PRKCH: variants seen among roughly 807,000 people sequenced by gnomAD.
The protein encoded by PRKCH is protein kinase C eta type.
In PRKCH, 28 loss-of-function variants were observed where a neutral mutation model predicts 82.5. The observed-to-expected ratio is 0.34, with a 90% CI of 0.25 to 0.47. The LOEUF (loss-of-function observed/expected upper bound fraction) is 0.47. PRKCH is among the 20% of genes least tolerant of loss of function. The probability of loss-of-function intolerance (pLI) is 1.00; values close to 1 mark genes in which losing one functional copy is unlikely to be tolerated. For synonymous variants in PRKCH, 322 were observed against 327.4 expected, an observed-to-expected ratio of 0.98 and a Z score of 0.18; for missense variants, 705 against 881.8, an observed-to-expected ratio of 0.80 and a Z score of 2.54.
intron 9 of PRKCH, among the ~76,000 whole-genome samples, chr14:61,477,446 C>CATAG (rs1885776852): frequency 6.6e-6 from 1 of 152,146 alleles, no homozygotes; most frequent in African/African-American, 2.4e-5. Flanking sequence ...GTCTTTAAAT[C>CATAG]ATAGAGACAA....
intron 5 of PRKCH, 45 bp from the exon 6 acceptor site, chr14:61,450,790 AGGACATT>A: frequency 1.9e-6 from 3 of 1,582,050 alleles, no homozygotes; most frequent in Non-Finnish European, 2.6e-6. Flanking sequence ...GTTTTTACAA[AGGACATT>A]GGTATGACAT....
intron 2 of PRKCH, among the ~76,000 whole-genome samples, 197 bp downstream of exon 2, chr14:61,391,485 A>G (rs78160205): frequency 1.3e-5 from 2 of 152,194 alleles, no homozygotes; most frequent in Non-Finnish European, 2.9e-5. Flanking sequence ...TATATTTGCT[A>G]AATCTGGCAA....
intron 10 of PRKCH, among the ~76,000 whole-genome samples, chr14:61,496,446 T>C (rs575498472): frequency 6.6e-6 from 1 of 152,292 alleles, no homozygotes; most frequent in East Asian, 1.9e-4. Context: ...TCCACACGTT[T>C]CCCCCTGCTT....
chr14:61,364,976 G>A (rs1365869460), intron 1 of PRKCH, among the ~76,000 whole-genome samples: 1 of 152,068 alleles, frequency 6.6e-6, no homozygotes, highest in South Asian at 2.1e-4. Context: ...GGCAGGAGGC[G>A]GTAGGGTGAT....
At chr14:61,205,597 G>A (rs2044516800) in intron 1 of PRKCH, among the ~76,000 whole-genome samples, 3 of 152,134 alleles carry the variant, frequency 2.0e-5, no homozygotes, top group Non-Finnish European at 4.4e-5. Flanking sequence ...CTGCCGTGCT[G>A]ACAGCTTCCC....
chr14:61,481,362 C>CACAGTGGATGCCAACCAGTGG (rs1388623575), intron 9 of PRKCH, among the ~76,000 whole-genome samples: 1 of 152,192 alleles, frequency 6.6e-6, no homozygotes, highest in Non-Finnish European at 1.5e-5. Flanking sequence ...CTGTGGATGC[C>CACAGTGGATGCCAACCAGTGG]ATTCCAACAA....
chr14:61,258,434 C>T (rs2045018014), intron 1 of PRKCH, among the ~76,000 whole-genome samples: 1 of 152,102 alleles, frequency 6.6e-6, no homozygotes, highest in Non-Finnish European at 1.5e-5. Flanking sequence ...CTGGTATCCC[C>T]TTTTATTTTT....
chr14:61,409,026 G>A (rs1416852582), intron 2 of PRKCH, among the ~76,000 whole-genome samples: 1 of 152,196 alleles, frequency 6.6e-6, no homozygotes, highest in African/African-American at 2.4e-5. Flanking sequence ...CTGTTCGCTA[G>A]GCCACAGGGA....
intron 1 of PRKCH, among the ~76,000 whole-genome samples, chr14:61,285,090 TA>T (rs750927059): frequency 1.3e-5 from 2 of 152,042 alleles, no homozygotes; most frequent in African/African-American, 2.4e-5. Flanking sequence ...TAACCCTTTT[TA>T]AAAAAAACTA....
chr14:61,406,823 A>G (rs1325339316), intron 2 of PRKCH, among the ~76,000 whole-genome samples: 1 of 152,054 alleles, frequency 6.6e-6, no homozygotes, highest in Non-Finnish European at 1.5e-5. Flanking sequence ...TTTTGCAAAA[A>G]GGTTTGAAGA....
At chr14:61,496,611 A>G (rs924472397) in intron 10 of PRKCH, among the ~76,000 whole-genome samples, 4 of 152,078 alleles carry the variant, frequency 2.6e-5, no homozygotes, top group African/African-American at 7.3e-5. Context: ...GCATCCCGTG[A>G]AACCCTTCCC....
At chr14:61,237,319 AG>A (rs2044798733) in intron 1 of PRKCH, among the ~76,000 whole-genome samples, 2 of 152,290 alleles carry the variant, frequency 1.3e-5, no homozygotes, top group African/African-American at 4.8e-5. Context: ...AGGCCCTAAA[AG>A]AAATTGAAGT....
rs1253468086 is a variant in PRKCH, at chr14:61,457,239, A to G, written c.1024A>G (p.Ile342Val). Residue 342 changes from isoleucine (I) to valine (V), a missense_variant, in exon 8 of 14, where the codon ATT becomes GTT. Physicochemically the swap from Ile to Val is conservative, Grantham distance 29. This residue lies in a region of PRKCH where 238 missense variants were observed against 258.1 expected (regional missense o/e 0.92). Coordinates refer to ENST00000332981, the MANE Select transcript of PRKCH (RefSeq NM_006255.5). ...GKESSKEGNG[I>V]GVNSSNRLGI... ...GGAGAGCAGCAAAGAAGGAAATGGG[A>G]TTGGGGTTAATTCTTCCAACCGACT... The G allele has an allele frequency of 3.1e-6, 5 of 1,614,004 alleles. No individual in the cohort carries two copies. The highest frequency in any genetic ancestry group is 3.4e-6 in the Non-Finnish European group (4 of 1,180,008).
intron 10 of PRKCH, among the ~76,000 whole-genome samples, chr14:61,487,452 T>C (rs928803729): frequency 2.0e-5 from 3 of 152,180 alleles, no homozygotes; most frequent in African/African-American, 7.2e-5. Context: ...CAGTGTATGC[T>C]TTGTGGAGGT....
rs769849743 is a variant in PRKCH, at chr14:61,450,991, G to A, written c.832+20G>A. 4 of 1,611,824 alleles carry A rather than the reference G, an allele frequency of 2.5e-6. No individual in the cohort carries two copies. In the East Asian group the frequency reaches 6.7e-5, roughly 27 times the overall value. ...GTAAAAGTGAGATGCTGAGGTGCTGGGTACCCACCTCTTCATGGGAACACT... is the reference window on the plus strand; with the variant it reads ...GTAAAAGTGAGATGCTGAGGTGCTGAGTACCCACCTCTTCATGGGAACACT... On this transcript the variant is annotated intron_variant, in intron 6 of 13. Transcript: ENST00000332981.
chr14:61,478,824 G>A (rs1019880890), intron 9 of PRKCH, among the ~76,000 whole-genome samples: 7 of 152,144 alleles, frequency 4.6e-5, no homozygotes, highest in African/African-American at 1.7e-4. Context: ...TCCTGCCACT[G>A]CCCTCCAGCC....
intron 1 of PRKCH, among the ~76,000 whole-genome samples, chr14:61,354,959 C>T (rs192206564): frequency 2.0e-5 from 3 of 152,292 alleles, no homozygotes; most frequent in Admixed American, 6.5e-5. Context: ...CAAATGAGTA[C>T]TTGCATAAAT....
intron 10 of PRKCH, among the ~76,000 whole-genome samples, chr14:61,502,648 G>A (rs1340976891): frequency 6.6e-6 from 1 of 151,998 alleles, no homozygotes; most frequent in African/African-American, 2.4e-5. Context: ...TATTCACCAG[G>A]GAGTTCTCAA....
At chr14:61,500,409 G>C (rs758586748) in intron 10 of PRKCH, among the ~76,000 whole-genome samples, 1 of 151,900 alleles carries the variant, frequency 6.6e-6, no homozygotes, top group African/African-American at 2.4e-5. Flanking sequence ...TGTTGCCCAG[G>C]CTGGTCTCAA....
Sources: allele counts gnomAD v4.1 joint callset (sites outside exome capture counted in the v4.1 genomes callset), GRCh38; gene constraint gnomAD v4.1.1; regional missense constraint gnomAD v4.1.1; transcripts MANE v1.5; gene names NCBI Gene and HGNC (gene_info 2026-07-23, HGNC 2026-07-21).